NIPBL: variants seen among roughly 807,000 people sequenced by gnomAD.
NIPBL encodes the protein nipped-B-like protein.
NIPBL carries 19 observed loss-of-function variants against 321.8 expected under a neutral mutation model. The observed-to-expected ratio is 0.06, with a 90% CI of 0.04 to 0.09. The LOEUF (loss-of-function observed/expected upper bound fraction) is 0.09. NIPBL is among the 10% of genes least tolerant of loss of function. The probability of loss-of-function intolerance (pLI) is 1.00; values close to 1 mark genes in which losing one functional copy is unlikely to be tolerated. For synonymous variants in NIPBL, 1,106 were observed against 1,114.1 expected, an observed-to-expected ratio of 0.99 and a Z score of 0.14; for missense variants, 2,210 against 3,327.0, an observed-to-expected ratio of 0.66 and a Z score of 8.26.
intron 32 of NIPBL, among the ~76,000 whole-genome samples, chr5:37,034,034 T>G (rs1751421786): frequency 6.6e-6 from 1 of 151,804 alleles, no homozygotes; most frequent in Admixed American, 6.6e-5. Flanking sequence ...CATAAGAACT[T>G]CTCTCCTACA....
chr5:36,894,138 A>G (rs1470949192), intron 1 of NIPBL, among the ~76,000 whole-genome samples: 3 of 152,174 alleles, frequency 2.0e-5, no homozygotes, highest in Non-Finnish European at 1.5e-5. Context: ...GATGGAAAAT[A>G]TATCCTTCTC....
At chr5:36,925,429 G>A (rs1305760378) in intron 1 of NIPBL, among the ~76,000 whole-genome samples, 1 of 151,452 alleles carries the variant, frequency 6.6e-6, no homozygotes, top group African/African-American at 2.4e-5. Flanking sequence ...CCACCACACC[G>A]GCTAATTTTG....
At chr5:36,924,954 T>A (rs1749237877) in intron 1 of NIPBL, among the ~76,000 whole-genome samples, 1 of 152,230 alleles carries the variant, frequency 6.6e-6, no homozygotes, top group African/African-American at 2.4e-5. Context: ...ATATCTTTTA[T>A]TCTGTCATCA....
At chr5:36,995,253 C>A (rs1020461017) in intron 10 of NIPBL, 13 of 187,258 alleles carry the variant, frequency 6.9e-5, no homozygotes, top group Non-Finnish European at 1.4e-4. Context: ...TTATGTACTA[C>A]CAAGAATGTC....
At position 37,052,359 on chromosome 5, in the gene NIPBL, A is replaced by T. The variant is rs976984370; in HGVS notation, c.7063-7A>T. On this transcript the variant is annotated splice_region_variant and splice_polypyrimidine_tract_variant and intron_variant, in intron 41 of 46. Coordinates refer to ENST00000282516, the MANE Select transcript of NIPBL (RefSeq NM_133433.4). ...CCTGACAAAAATGAGACTTTTATTG[A>T]TTTCAGATGAAAGCAGTGGCTGGTA... The T allele has an allele frequency of 2.5e-6, 4 of 1,611,892 alleles. No individual in the cohort carries two copies. In the African/African-American group the frequency reaches 5.3e-5, roughly 22 times the overall value.
chr5:37,062,957 A>G (rs934612361), intron 45 of NIPBL, among the ~76,000 whole-genome samples: 5 of 152,136 alleles, frequency 3.3e-5, no homozygotes, highest in African/African-American at 1.2e-4. Flanking sequence ...AAGCTGGCAA[A>G]TTTTATGATA....
rs298972 is a variant in NIPBL at position 37,007,994 on chromosome 5, T to G, written c.4240-14T>G. The G allele has an allele frequency of 3.4e-3, 5,120 of 1,523,158 alleles. 145 individuals carry two copies. In the African/African-American group the frequency reaches 0.062, roughly 18 times the overall value. The allele number at this position is 1,523,158 out of a possible 1,614,324, so 94.4% of individuals were successfully genotyped here. ...ACTAAAGGTGTATACTACTTACTCT[T>G]CTTTTTTAAACAGGTTTCATCTATG... On this transcript the variant is annotated splice_polypyrimidine_tract_variant and intron_variant, in intron 18 of 46. Transcript: ENST00000282516.
At chr5:37,033,512 T>C (rs751930363) in intron 32 of NIPBL, among the ~76,000 whole-genome samples, 27 of 150,350 alleles carry the variant, frequency 1.8e-4, no homozygotes, top group Admixed American at 4.0e-4. Flanking sequence ...GGAGAAAAGA[T>C]AGACTGTTTA....
At chr5:37,017,512 T>C (rs191589527) in intron 24 of NIPBL, among the ~76,000 whole-genome samples, 2 of 152,112 alleles carry the variant, frequency 1.3e-5, no homozygotes, top group Non-Finnish European at 2.9e-5. Context: ...CTTTTGAATG[T>C]TTTGTATCTT....
chr5:36,887,274 A>G (rs2149520551), intron 1 of NIPBL, among the ~76,000 whole-genome samples: 1 of 152,358 alleles, frequency 6.6e-6, no homozygotes, highest in South Asian at 2.1e-4. Flanking sequence ...AACATACAGC[A>G]CATAGAAACT....
intron 18 of NIPBL, among the ~76,000 whole-genome samples, chr5:37,007,711 A>G (rs1369716325): frequency 6.6e-6 from 1 of 151,974 alleles, no homozygotes; most frequent in Admixed American, 6.5e-5. Context: ...GATGGGTTAT[A>G]TTTTCATGCA....
At chr5:36,975,741 C>T in intron 8 of NIPBL, 35 bp from the exon 9 acceptor site, 1 of 1,607,302 alleles carries the variant, frequency 6.2e-7, no homozygotes, top group Non-Finnish European at 8.5e-7. Context: ...TGTGAAACCA[C>T]CACAACTGTT....
intron 1 of NIPBL, among the ~76,000 whole-genome samples, chr5:36,952,623 T>C (rs1740520436): frequency 6.6e-6 from 1 of 152,204 alleles, no homozygotes; most frequent in Non-Finnish European, 1.5e-5. Flanking sequence ...TTTTACAGAA[T>C]GTCTTCATAT....
chr5:37,035,152 G>A (rs1751543273), intron 32 of NIPBL, among the ~76,000 whole-genome samples: 1 of 152,196 alleles, frequency 6.6e-6, no homozygotes, highest in Non-Finnish European at 1.5e-5. Context: ...AGCTGGGCAC[G>A]ATGGCTCACG....
chr5:37,027,240 A>T (rs1322931950), intron 31 of NIPBL, 119 bp from the exon 32 acceptor site: 1 of 793,196 alleles, frequency 1.3e-6, no homozygotes, highest in Non-Finnish European at 2.2e-6. Flanking sequence ...AGTTTACTTT[A>T]AAAATAAACT....
At chr5:36,935,309 C>G (rs1321311432) in intron 1 of NIPBL, among the ~76,000 whole-genome samples, 1 of 152,098 alleles carries the variant, frequency 6.6e-6, no homozygotes, top group Non-Finnish European at 1.5e-5. Context: ...TCAAGGCAAT[C>G]AGAAAAGTTT....
intron 40 of NIPBL, chr5:37,051,518 A>G (rs1753542710): frequency 2.0e-6 from 1 of 508,592 alleles, no homozygotes; most frequent in Non-Finnish European, 3.5e-6. Context: ...AGAATGCTTT[A>G]TGTTTAAAGA....
chr5:36,958,161 G>T lies in NIPBL; in HGVS notation c.288G>T (p.Leu96Phe). 1 of 1,613,956 alleles carries T rather than the reference G, an allele frequency of 6.2e-7. No individual in the cohort carries two copies. The highest frequency in any genetic ancestry group is 8.5e-7 in the Non-Finnish European group (1 of 1,179,920). ...CAGAAGGTGACATACCAGTCTTGTT[G>T]CAGGCCGTCCTGGCAAGGAGTCCTA... ...DDPEGDIPVL[L>F]QAVLARSPNV... The change falls in exon 4 of 47, where the codon TTG becomes TTT. Residue 96 changes from leucine (L) to phenylalanine (F), a missense_variant. Coordinates refer to ENST00000282516, the MANE Select transcript of NIPBL (RefSeq NM_133433.4).
Position 37,060,903 on chromosome 5 carries a change from G to A in NIPBL, c.7745G>A (p.Arg2582Gln), listed in dbSNP as rs1561227446. Residue 2582 changes from arginine (R) to glutamine (Q), a missense_variant, in exon 45 of 47, where the codon CGA (arginine) becomes CAA (glutamine). Physicochemically the swap from Arg to Gln is conservative, Grantham distance 43. Around this residue, in one of 14 missense-constraint regions of NIPBL, gnomAD observed 159 missense variants for 319.2 expected, o/e 0.50. Coordinates refer to ENST00000282516, the MANE Select transcript of NIPBL (RefSeq NM_133433.4). ...SAKVYDKAIN[R>Q]KTGVHFHPKQ... is the part of the protein sequence containing the mutation. ...AAAGTATATGATAAAGCGATAAACC[G>A]AAAAACAGGAGTTCATTTTCATCCA... The A allele has an allele frequency of 3.7e-6, 6 of 1,613,944 alleles. No individual in the cohort carries two copies. The highest frequency in any genetic ancestry group is 5.1e-6 in the Non-Finnish European group (6 of 1,179,932).
Sources: allele counts gnomAD v4.1 joint callset (sites outside exome capture counted in the v4.1 genomes callset), GRCh38; gene constraint gnomAD v4.1.1; regional missense constraint gnomAD v4.1.1; transcripts MANE v1.5; gene names NCBI Gene and HGNC (gene_info 2026-07-23, HGNC 2026-07-21).